UBXN2B: variants seen among roughly 807,000 people sequenced by gnomAD.
The protein encoded by UBXN2B is UBX domain protein 2B.
A neutral mutation model predicts 37.5 loss-of-function variants in UBXN2B; 19 were observed. The observed-to-expected ratio is 0.51, with a 90% CI of 0.35 to 0.74. The LOEUF (loss-of-function observed/expected upper bound fraction) is 0.74, where lower values mean the gene tolerates loss of function less well. UBXN2B is among the 30% of genes least tolerant of loss of function. The pLI is 0.01. For missense variants in UBXN2B, 370 were observed against 393.2 expected (o/e 0.94, Z 0.50); for synonymous variants, 145 against 143.8 (o/e 1.01, Z -0.06).
At chr8:58,414,220 C>G (rs1807713798) in intron 1 of UBXN2B, among the ~76,000 whole-genome samples, 1 of 152,198 alleles carries the variant, frequency 6.6e-6, no homozygotes, top group Non-Finnish European at 1.5e-5. Context: ...TAGTATGCAT[C>G]TGTGACCTGG....
chr8:58,426,468 A>C (rs1220615768), intron 2 of UBXN2B: 2 of 684,846 alleles, frequency 2.9e-6, no homozygotes, highest in African/African-American at 3.5e-5. Context: ...TCAGCCTCCC[A>C]AAGTGCTGGG....
rs1457716395 is a variant in UBXN2B at position 58,447,124 on chromosome 8, A to G, written c.834-265A>G. Among the ~76,000 whole-genome samples, 4 of 152,024 alleles carry G rather than the reference A, an allele frequency of 2.6e-5. No homozygotes were observed. In the East Asian group the frequency reaches 7.7e-4, roughly 29 times the overall value. On this transcript the variant is annotated intron_variant, in intron 7 of 7. Transcript: ENST00000399598. ...GGACCTGCACTTTTAAAATAACAAC[A>G]TTAGTACACTTACTTTATTCATAAC...
chr8:58,439,638 T>G lies in UBXN2B; in HGVS notation c.539T>G (p.Ile180Ser). 2 of 1,592,020 alleles carry G rather than the reference T, an allele frequency of 1.3e-6. No homozygotes were observed. Among genetic ancestry groups the G allele is most frequent in the East Asian group, 2.2e-5 (1 of 44,526 alleles). ...TTTTCCCCCCTTTTTAAAAGAGAGA[T>G]TCCCCTGGAGCTTCAGCGCCTTGTT... ...QFLESVKRGEIPLELQRLVHG... is the reference protein window; with the variant it reads ...QFLESVKRGESPLELQRLVHG... Residue 180 changes from isoleucine to serine, a missense_variant, in exon 6 of 8, where the codon ATT becomes AGT. By Grantham distance (142) the Ile-to-Ser change is moderately radical. Coordinates refer to ENST00000399598, the MANE Select transcript of UBXN2B (RefSeq NM_001077619.2).
chr8:58,425,639 G>A (rs548807284), intron 2 of UBXN2B: 10 of 1,128,150 alleles, frequency 8.9e-6, no homozygotes, highest in Non-Finnish European at 1.3e-5. Flanking sequence ...GAAAAGCCTT[G>A]TTTGACTTTA....
chr8:58,448,465 C>G lies in UBXN2B; in HGVS notation c.*914C>G, dbSNP rs557704504. The G allele has an allele frequency of 6.6e-6, 1 of 152,268 alleles. No individual in the cohort carries two copies. The highest frequency in any genetic ancestry group is 1.9e-4 in the East Asian group (1 of 5,166). The allele number at this position is 152,268 out of a possible 1,614,324, so 9.4% of individuals were successfully genotyped here. A position where few individuals can be genotyped will look rare whatever the true frequency, so the allele number is the denominator to read the frequency against. On this transcript the variant is annotated 3_prime_UTR_variant, in exon 8 of 8. Transcript: ENST00000399598. ...CTGGGATTACAGGCATGAGCCACCA[C>G]GCCCAGCCTAAAGGTCAGCAGTTCT...
chr8:58,423,661 T>G (rs1275875860), intron 2 of UBXN2B, among the ~76,000 whole-genome samples: 1 of 151,542 alleles, frequency 6.6e-6, no homozygotes, highest in Admixed American at 6.6e-5. Context: ...GGTCTCGATC[T>G]CCTGACCTCA....
intron 7 of UBXN2B, among the ~76,000 whole-genome samples, chr8:58,446,327 A>G (rs1210602000): frequency 6.6e-6 from 1 of 152,194 alleles, no homozygotes; most frequent in African/African-American, 2.4e-5. Context: ...TAAATTAAGA[A>G]CTATAGTTTT....
At chr8:58,431,204 C>A (rs1489120437) in intron 3 of UBXN2B, among the ~76,000 whole-genome samples, 2 of 152,192 alleles carry the variant, frequency 1.3e-5, no homozygotes, top group Admixed American at 1.3e-4. Flanking sequence ...GTTAAACCAG[C>A]CGGGTGTGGT....
chr8:58,423,079 A>AATCATCATCATCATC (rs35213875), intron 2 of UBXN2B, among the ~76,000 whole-genome samples: 4 of 149,050 alleles, frequency 2.7e-5, no homozygotes, highest in South Asian at 2.2e-4. Flanking sequence ...GGTGAGACGA[A>AATCATCATCATCATC]ATCATCATCA....
At chr8:58,425,489 C>T in intron 2 of UBXN2B, 1 of 1,120,952 alleles carries the variant, frequency 8.9e-7, no homozygotes, top group Non-Finnish European at 1.4e-6. Flanking sequence ...TTGGGATCAC[C>T]ATCGTGTAGG....
chr8:58,418,826 C>T (rs762295511), intron 2 of UBXN2B, among the ~76,000 whole-genome samples: 10 of 152,114 alleles, frequency 6.6e-5, no homozygotes, highest in Non-Finnish European at 1.2e-4. Context: ...TTTGTATATT[C>T]TCCCAAGTCT....
intron 2 of UBXN2B, among the ~76,000 whole-genome samples, chr8:58,417,764 A>G (rs57465869): frequency 0.027 from 4,139 of 152,272 alleles, 207 homozygotes; most frequent in East Asian, 0.23. Context: ...TACTTCACCT[A>G]TATTCACCAA....
At chr8:58,425,601 C>T (rs1287958628) in intron 2 of UBXN2B, 1 of 1,068,924 alleles carries the variant, frequency 9.4e-7, no homozygotes, top group Non-Finnish European at 1.4e-6. Context: ...GTATGCACTC[C>T]TGTTGTTGTA....
At chr8:58,437,349 G>T (rs1038226411) in intron 5 of UBXN2B, among the ~76,000 whole-genome samples, 3 of 107,148 alleles carry the variant, frequency 2.8e-5, no homozygotes, top group Admixed American at 1.1e-4. Context: ...TTTTTTTGGA[G>T]ACGATTCATG....
intron 6 of UBXN2B, among the ~76,000 whole-genome samples, chr8:58,445,523 A>G (rs1429984340): frequency 2.6e-5 from 4 of 152,206 alleles, no homozygotes; most frequent in Non-Finnish European, 5.9e-5. Flanking sequence ...TTTATAAATG[A>G]TAGAACTGGG....
chr8:58,427,537 A>G (rs1808134989), intron 2 of UBXN2B, among the ~76,000 whole-genome samples: 1 of 152,220 alleles, frequency 6.6e-6, no homozygotes. Context: ...TTAATGCAGG[A>G]TATTTTAAAG....
chr8:58,431,000 A>G (rs1808257670), intron 3 of UBXN2B, among the ~76,000 whole-genome samples: 1 of 152,172 alleles, frequency 6.6e-6, no homozygotes, highest in East Asian at 1.9e-4. Flanking sequence ...ACATGATTGT[A>G]GTATAATATG....
chr8:58,442,703 C>G (rs1054967947), intron 6 of UBXN2B, among the ~76,000 whole-genome samples: 2 of 152,284 alleles, frequency 1.3e-5, no homozygotes, highest in African/African-American at 4.8e-5. Flanking sequence ...TAAAAATTAG[C>G]TTGGTGAGCT....
chr8:58,443,647 A>AC (rs1723694625), intron 6 of UBXN2B, among the ~76,000 whole-genome samples: 1 of 151,268 alleles, frequency 6.6e-6, no homozygotes, highest in Non-Finnish European at 1.5e-5. Context: ...CCAAAAAAAA[A>AC]AAAAAAAAAA....
Sources: allele counts gnomAD v4.1 joint callset (sites outside exome capture counted in the v4.1 genomes callset), GRCh38; gene constraint gnomAD v4.1.1; transcripts MANE v1.5; gene names NCBI Gene and HGNC (gene_info 2026-07-23, HGNC 2026-07-21).